The following CMC2 variants were observed in gnomAD, a reference collection of about 807,000 sequenced individuals.
The protein encoded by CMC2 is COX assembly mitochondrial protein 2 homolog.
In CMC2, 5 loss-of-function variants were observed where a neutral mutation model predicts 7.5. That is an observed-to-expected ratio of 0.66 (90% CI 0.35 to 1.40). The LOEUF is 1.40. Ranked by LOEUF, CMC2 falls within the 40% of genes most tolerant of loss-of-function variation. The pLI, the probability that CMC2 is intolerant of heterozygous loss-of-function variation, is 0.04. For missense variants in CMC2, 115 were observed against 92.3 expected (o/e 1.25, Z -1.01); for synonymous variants, 37 against 31.4 (o/e 1.18, Z -0.60).
intron 2 of CMC2, among the ~76,000 whole-genome samples, chr16:80,992,934 C>T (rs536000210): frequency 6.6e-6 from 1 of 152,244 alleles, no homozygotes; most frequent in East Asian, 1.9e-4. Context: ...TCAAACGATC[C>T]TTTATCAATC....
intron 2 of CMC2, chr16:80,982,514 G>GAAAAAAAAAAAAAAA (rs758135840): frequency 2.5e-5 from 1 of 39,798 alleles, no homozygotes; most frequent in Non-Finnish European, 4.7e-5. Context: ...TCCGTCTCAG[G>GAAAAAAAAAAAAAAA]AAAAAAAAAA....
In CMC2 at chr16:80,971,162, T is replaced by A. The variant is rs1017072668; in HGVS notation, c.*4931A>T. 1 of 152,050 alleles carries A rather than the reference T, an allele frequency of 6.6e-6. No homozygotes were observed. Among genetic ancestry groups the A allele is most frequent in the African/African-American group, 2.4e-5 (1 of 41,410 alleles). 9.4% of individuals were successfully genotyped at this position (152,050 alleles called of 1,614,324 possible). ...AAAACAACAACAAAAATACAAATCA[T>A]AAAATCTTAAAAACATTTGGGGTGT... On this transcript the variant is annotated 3_prime_UTR_variant, in exon 4 of 4. Coordinates refer to ENST00000219400, the MANE Select transcript of CMC2 (RefSeq NM_020188.5).
rs556263513 is a variant in CMC2, at chr16:80,995,991, G to A, written c.81+1323C>T. On this transcript the variant is annotated intron_variant, in intron 2 of 3. Transcript: ENST00000219400. Reference sequence around the variant, plus strand: ...ATTCAAGAAGCCACCTTTATTATAAGAAATCCATTTGAAAGAAAAAAAAAA... The same window carrying A: ...ATTCAAGAAGCCACCTTTATTATAAAAAATCCATTTGAAAGAAAAAAAAAA... 1.7e-4 allele frequency among the ~76,000 whole-genome samples: 25 copies of A among 150,084 alleles called. 1 individual carries two copies. In the East Asian group the frequency reaches 2.3e-3, roughly 14 times the overall value.
Position 80,981,835 on chromosome 16 carries a change from G to C in CMC2, c.124C>G (p.Arg42Gly). ...KFFGYCNDVD[R>G]ELRKCLKNEY... ...TTCTTCAGGCATTTTCTCAACTCCC[G>C]ATCAACATCATTACAATAACCAAAA... The change falls in exon 3 of 4, where the codon CGG becomes GGG. Residue 42 changes from arginine to glycine, a missense_variant. By Grantham distance (125) the Arg-to-Gly change is moderately radical. Transcript: ENST00000219400. 2 of 1,609,738 alleles carry C rather than the reference G, an allele frequency of 1.2e-6. No homozygotes were observed. The highest frequency in any genetic ancestry group is 1.7e-6 in the Non-Finnish European group (2 of 1,177,454).
chr16:80,970,646 A>G lies in CMC2; in HGVS notation c.*5447T>C, dbSNP rs930207146. 6.6e-6 allele frequency: 1 copy of G among 152,380 alleles called. No homozygotes were observed. The highest frequency in any genetic ancestry group is 2.1e-4 in the South Asian group (1 of 4,826). 9.4% of individuals were successfully genotyped at this position (152,380 alleles called of 1,614,324 possible). A position where few individuals can be genotyped will look rare whatever the true frequency, so the allele number is the denominator to read the frequency against. ...AATGATTCATTACTGTTACTATTCA[A>G]AAGTGATGTGACTGTCTACATAGAA... is the stretch of plus-strand genomic sequence containing the variant. On this transcript the variant is annotated 3_prime_UTR_variant, in exon 4 of 4. Transcript: ENST00000219400.
intron 2 of CMC2, among the ~76,000 whole-genome samples, chr16:80,984,271 G>C (rs1306125027): frequency 6.6e-6 from 1 of 152,212 alleles, no homozygotes; most frequent in Non-Finnish European, 1.5e-5. Flanking sequence ...ACAGCATGGT[G>C]ATCTGTTTTA....
chr16:80,987,092 G>A (rs1967600905), intron 2 of CMC2, among the ~76,000 whole-genome samples: 1 of 152,206 alleles, frequency 6.6e-6, no homozygotes, highest in Non-Finnish European at 1.5e-5. Context: ...AAATTTGCCA[G>A]TAGTGCAGTC....
At chr16:80,993,799 C>CA (rs1308301868) in intron 2 of CMC2, among the ~76,000 whole-genome samples, 1 of 151,814 alleles carries the variant, frequency 6.6e-6, no homozygotes, top group African/African-American at 2.4e-5. Flanking sequence ...TGTTCAGCCT[C>CA]AAAAAACAAA....
intron 3 of CMC2, among the ~76,000 whole-genome samples, chr16:80,979,687 C>A (rs1417570202): frequency 6.6e-6 from 1 of 151,676 alleles, no homozygotes; most frequent in Non-Finnish European, 1.5e-5. Flanking sequence ...GTAATGTGAT[C>A]TGGGCTCACC....
chr16:80,997,457 G>T, intron 1 of CMC2, 28 bp from the exon 2 acceptor site: 2 of 1,146,308 alleles, frequency 1.7e-6, no homozygotes, highest in Non-Finnish European at 1.3e-6. Context: ...TCTTGAATAT[G>T]CATAAACACA....
chr16:80,970,858 T>C lies in CMC2; in HGVS notation c.*5235A>G, dbSNP rs888638460. 4 of 152,300 alleles carry C rather than the reference T, an allele frequency of 2.6e-5. No homozygotes were observed. Among genetic ancestry groups the C allele is most frequent in the Non-Finnish European group, 4.4e-5 (3 of 68,028 alleles). 9.4% of individuals were successfully genotyped at this position (152,300 alleles called of 1,614,324 possible). ...AAAAAAATTTTAAGAGATATTAGAA[T>C]AAGTAATTTTAAAAATACCCCTTAG... On this transcript the variant is annotated 3_prime_UTR_variant, in exon 4 of 4. Coordinates refer to ENST00000219400, the MANE Select transcript of CMC2 (RefSeq NM_020188.5).
chr16:80,977,224 C>G (rs1192199843), intron 3 of CMC2, among the ~76,000 whole-genome samples: 1 of 152,160 alleles, frequency 6.6e-6, no homozygotes, highest in Non-Finnish European at 1.5e-5. Context: ...ACAGTTTTCA[C>G]CTCAAGAGGT....
intron 1 of CMC2, chr16:80,998,743 A>G (rs1243374173): frequency 6.6e-6 from 1 of 152,230 alleles, no homozygotes; most frequent in Non-Finnish European, 1.5e-5. Flanking sequence ...AAATGTGAGG[A>G]CATTCTGAAT....
At chr16:80,984,702 GTA>G (rs1967387927) in intron 2 of CMC2, among the ~76,000 whole-genome samples, 3 of 152,116 alleles carry the variant, frequency 2.0e-5, no homozygotes, top group Admixed American at 2.0e-4. Flanking sequence ...TTCAAGTCAA[GTA>G]GACTTTTCAA....
chr16:81,002,071 C>G (rs1327579132), intron 1 of CMC2, among the ~76,000 whole-genome samples: 1 of 152,152 alleles, frequency 6.6e-6, no homozygotes, highest in African/African-American at 2.4e-5. Flanking sequence ...TATTCTGCAC[C>G]TACATTTATG....
At chr16:80,987,835 C>G (rs1967658115) in intron 2 of CMC2, among the ~76,000 whole-genome samples, 1 of 152,098 alleles carries the variant, frequency 6.6e-6, no homozygotes, top group Admixed American at 6.5e-5. Flanking sequence ...AAACTCAGGG[C>G]TAGAAGACAT....
intron 2 of CMC2, chr16:80,988,717 A>G (rs1446893902): frequency 1.8e-6 from 1 of 567,764 alleles, no homozygotes; most frequent in Admixed American, 3.2e-5. Flanking sequence ...GCCTAATAAT[A>G]TCATTCATGC....
chr16:80,996,475 T>A (rs1482861651), intron 2 of CMC2, among the ~76,000 whole-genome samples: 1 of 152,238 alleles, frequency 6.6e-6, no homozygotes, highest in Non-Finnish European at 1.5e-5. Flanking sequence ...TCATTTGATC[T>A]ATATGTATAG....
At chr16:80,988,732 G>T in intron 2 of CMC2, 1 of 530,220 alleles carries the variant, frequency 1.9e-6, no homozygotes, top group East Asian at 3.1e-5. Flanking sequence ...TCATGCAAAA[G>T]GCAAAAAAAG....
Sources: allele counts gnomAD v4.1 joint callset (sites outside exome capture counted in the v4.1 genomes callset), GRCh38; gene constraint gnomAD v4.1.1; transcripts MANE v1.5; gene names NCBI Gene and HGNC (gene_info 2026-07-23, HGNC 2026-07-21).